Variants in FHIP1A observed in about 807,000 individuals in gnomAD.
FHIP1A encodes the protein FHF complex subunit HOOK interacting protein 1A.
FHIP1A carries 61 observed loss-of-function variants against 88.6 expected under a neutral mutation model. The observed-to-expected ratio is 0.69, with a 90% CI of 0.56 to 0.85. The LOEUF is 0.85. FHIP1A is among the 40% of genes least tolerant of loss of function. The pLI, the probability that FHIP1A is intolerant of heterozygous loss-of-function variation, is 0.00. For synonymous variants in FHIP1A, 478 were observed against 496.0 expected, an observed-to-expected ratio of 0.96 and a Z score of 0.48; for missense variants, 1,154 against 1,273.5, an observed-to-expected ratio of 0.91 and a Z score of 1.43.
At chr4:151,457,812 T>C (rs910453351) in intron 2 of FHIP1A, among the ~76,000 whole-genome samples, 5 of 152,128 alleles carry the variant, frequency 3.3e-5, no homozygotes, top group Non-Finnish European at 7.3e-5. Flanking sequence ...AATATGAATA[T>C]AAGTTTCTAG....
chr4:151,585,970 G>C (rs1172853777), intron 5 of FHIP1A, among the ~76,000 whole-genome samples: 1 of 151,952 alleles, frequency 6.6e-6, no homozygotes, highest in Non-Finnish European at 1.5e-5. Flanking sequence ...CTTTATCTCT[G>C]CTTGAATCTT....
At chr4:151,621,554 G>T (rs1424554188) in intron 7 of FHIP1A, among the ~76,000 whole-genome samples, 5 of 150,316 alleles carry the variant, frequency 3.3e-5, no homozygotes, top group African/African-American at 9.8e-5. Flanking sequence ...TGTGGCAGGG[G>T]GTGGTGGGGG....
chr4:151,640,131 C>T (rs1736515889), intron 9 of FHIP1A, among the ~76,000 whole-genome samples: 3 of 152,160 alleles, frequency 2.0e-5, no homozygotes, highest in African/African-American at 4.8e-5. Flanking sequence ...GGGGTTAGGG[C>T]CCAGCAAGCC....
chr4:151,435,015 A>C (rs1733747772), intron 1 of FHIP1A, among the ~76,000 whole-genome samples: 1 of 152,166 alleles, frequency 6.6e-6, no homozygotes, highest in Non-Finnish European at 1.5e-5. Flanking sequence ...TTTGGGGGTA[A>C]TGTGATATTT....
intron 1 of FHIP1A, among the ~76,000 whole-genome samples, chr4:151,434,479 G>A (rs1403107846): frequency 6.6e-6 from 1 of 152,148 alleles, no homozygotes; most frequent in Non-Finnish European, 1.5e-5. Flanking sequence ...ATCACAGAGT[G>A]TAAAACTATG....
Position 151,433,283 on chromosome 4 carries a change from C to T in FHIP1A, c.-355-21418C>T, listed in dbSNP as rs189324632. ...TACTGTGAAGGCCCGTAGGTAATGG[C>T]GTTCTGATCTAGGATGGTGACCCTG... is the stretch of plus-strand genomic sequence containing the variant. On this transcript the variant is annotated intron_variant, in intron 1 of 13. Coordinates refer to ENST00000435205, the MANE Select transcript of FHIP1A (RefSeq NM_001109977.3). Among the ~76,000 whole-genome samples, 83 of 151,022 alleles carry T rather than the reference C, an allele frequency of 5.5e-4. 1 individual carries two copies. Among genetic ancestry groups the T allele is most frequent in the Admixed American group, 1.1e-3 (16 of 15,030 alleles).
chr4:151,657,497 T>C (rs115065431), intron 13 of FHIP1A, among the ~76,000 whole-genome samples: 1,936 of 151,718 alleles, frequency 0.013, 40 homozygotes, highest in African/African-American at 0.044. Context: ...GGTGGGGGCA[T>C]GGGTCGGTGC....
chr4:151,532,738 T>C (rs1731922895), intron 3 of FHIP1A, among the ~76,000 whole-genome samples: 1 of 151,836 alleles, frequency 6.6e-6, no homozygotes, highest in Non-Finnish European at 1.5e-5. Flanking sequence ...GGAAGAAAAA[T>C]AGGTTTAATT....
chr4:151,608,651 T>C (rs1426719831), intron 7 of FHIP1A, among the ~76,000 whole-genome samples: 1 of 152,188 alleles, frequency 6.6e-6, no homozygotes, highest in African/African-American at 2.4e-5. Context: ...TTCGCTGAAC[T>C]AGGATTCAGA....
At chr4:151,485,687 G>A (rs904425044) in intron 3 of FHIP1A, among the ~76,000 whole-genome samples, 2 of 151,846 alleles carry the variant, frequency 1.3e-5, no homozygotes, top group African/African-American at 4.8e-5. Context: ...GACCTCCCGG[G>A]CTCAAACAAT....
At chr4:151,645,307 C>G (rs969840478) in intron 9 of FHIP1A, among the ~76,000 whole-genome samples, 32 of 152,184 alleles carry the variant, frequency 2.1e-4, no homozygotes, top group Non-Finnish European at 2.4e-4. Flanking sequence ...TATATCATAC[C>G]TGGAAAGTAT....
intron 3 of FHIP1A, among the ~76,000 whole-genome samples, chr4:151,547,238 G>C (rs1732540395): frequency 6.6e-6 from 1 of 152,146 alleles, no homozygotes. Flanking sequence ...CTGGTGATAT[G>C]TTAGAAAGAA....
intron 3 of FHIP1A, among the ~76,000 whole-genome samples, chr4:151,486,967 TAA>T (rs72527669): frequency 6.9e-6 from 1 of 143,944 alleles, no homozygotes; most frequent in African/African-American, 2.6e-5. Flanking sequence ...AAACTCCATT[TAA>T]AAAAAAAAAA....
intron 3 of FHIP1A, among the ~76,000 whole-genome samples, chr4:151,554,557 G>A (rs1000350976): frequency 2.0e-5 from 3 of 152,176 alleles, no homozygotes; most frequent in African/African-American, 4.8e-5. Context: ...CAGGTACTTA[G>A]TAGGCACTTT....
intron 3 of FHIP1A, among the ~76,000 whole-genome samples, chr4:151,548,039 A>C (rs1732574580): frequency 6.6e-6 from 1 of 152,146 alleles, no homozygotes. Flanking sequence ...ATGAGGCTTT[A>C]AGCTTGGAGT....
At chr4:151,612,190 G>A (rs1735348009) in intron 7 of FHIP1A, among the ~76,000 whole-genome samples, 1 of 152,132 alleles carries the variant, frequency 6.6e-6, no homozygotes, top group African/African-American at 2.4e-5. Flanking sequence ...AGGCACCTTG[G>A]AAGTAAATCT....
rs573194593 is a variant in FHIP1A at position 151,659,859 on chromosome 4, G to A, written c.2870-2642G>A. 6.6e-5 allele frequency among the ~76,000 whole-genome samples: 10 copies of A among 152,312 alleles called. No homozygotes were observed. The East Asian group carries it at 7.7e-4, about 12-fold the overall frequency. ...GTGTGGCCGCTGCTCCAGAGAGAGC[G>A]GACGTCCTGTTCCCAGTTCCACATT... On this transcript the variant is annotated intron_variant, in intron 13 of 13. Transcript: ENST00000435205.
intron 3 of FHIP1A, among the ~76,000 whole-genome samples, chr4:151,510,444 A>T (rs1266260732): frequency 6.6e-6 from 1 of 152,076 alleles, no homozygotes; most frequent in African/African-American, 2.4e-5. Context: ...TTTTATTTTG[A>T]AATAATTTTA....
chr4:151,623,521 C>CTT (rs747837424), intron 7 of FHIP1A, among the ~76,000 whole-genome samples: 4,436 of 87,824 alleles, frequency 0.051, 199 homozygotes, highest in Non-Finnish European at 0.075. Context: ...CTTCCTGGTC[C>CTT]TTTTTTTTTT....
Sources: gnomAD v4.1 joint callset for allele counts (sites outside exome capture counted in the v4.1 genomes callset) on GRCh38, gnomAD v4.1.1 for gene constraint, MANE v1.5 for transcripts, NCBI Gene and HGNC (gene_info 2026-07-23, HGNC 2026-07-21) for gene names.